Variants in TRDMT1 observed in about 807,000 individuals in gnomAD.
TRDMT1 encodes the protein tRNA aspartic acid methyltransferase 1, also known as tRNA (cytosine(38)-C(5))-methyltransferase.
A neutral mutation model predicts 51.2 loss-of-function variants in TRDMT1; 49 were observed. The ratio of observed to expected loss-of-function variants is 0.96; its 90% CI spans 0.76 to 1.21. TRDMT1 has a LOEUF of 1.21. Among genes scored for constraint, TRDMT1 ranks in the 50% most tolerant of loss-of-function variants. The pLI is 0.00. For missense variants in TRDMT1, 534 were observed against 462.3 expected, an observed-to-expected ratio of 1.16 and a Z score of -1.42; for synonymous variants, 187 against 164.6, an observed-to-expected ratio of 1.14 and a Z score of -1.04.
chr10:17,188,765 T>A (rs983469568), intron 1 of TRDMT1, among the ~76,000 whole-genome samples: 1 of 152,166 alleles, frequency 6.6e-6, no homozygotes, highest in African/African-American at 2.4e-5. Flanking sequence ...CCTTTTTGAG[T>A]TCGTGTATAA....
At chr10:17,155,979 G>A (rs1451694125) in intron 8 of TRDMT1, among the ~76,000 whole-genome samples, 1 of 152,052 alleles carries the variant, frequency 6.6e-6, no homozygotes, top group Non-Finnish European at 1.5e-5. Flanking sequence ...ATTGAACTTG[G>A]TAATTGACAA....
At chr10:17,176,752 C>T (rs1842670627) in intron 1 of TRDMT1, among the ~76,000 whole-genome samples, 1 of 152,108 alleles carries the variant, frequency 6.6e-6, no homozygotes, top group Admixed American at 6.6e-5. Flanking sequence ...AAAAAGCAAA[C>T]CTGTCAATTC....
chr10:17,201,651 C>T lies in TRDMT1; in HGVS notation c.-17G>A. 6.5e-7 allele frequency: 1 copy of T among 1,539,458 alleles called. No individual in the cohort carries two copies. The highest frequency in any genetic ancestry group is 8.7e-7 in the Non-Finnish European group (1 of 1,143,632). ...GGGCTCCATCCCCGCGCCTCAGCCG[C>T]CGCAGCCCCGGAGCTAGGCCTGCCG... On this transcript the variant is annotated 5_prime_UTR_variant, in exon 1 of 11. Coordinates refer to ENST00000377799, the MANE Select transcript of TRDMT1 (RefSeq NM_004412.7).
intron 3 of TRDMT1, 125 bp from the exon 4 acceptor site, chr10:17,162,362 A>G: frequency 1.2e-6 from 1 of 822,618 alleles, no homozygotes; most frequent in Admixed American, 2.9e-5. Flanking sequence ...CCTCACAAAA[A>G]ATAGGGTCAT....
At chr10:17,201,549 G>A (rs374260389) in intron 1 of TRDMT1, 22 bp downstream of exon 1, 440 of 1,544,982 alleles carry the variant, frequency 2.8e-4, no homozygotes, top group Non-Finnish European at 3.7e-4. Flanking sequence ...AATAGAGAGA[G>A]GGGTGCTAGA....
chr10:17,199,625 C>T (rs1845894904), intron 1 of TRDMT1, among the ~76,000 whole-genome samples: 1 of 152,162 alleles, frequency 6.6e-6, no homozygotes, highest in Non-Finnish European at 1.5e-5. Flanking sequence ...GAAGCCAGAA[C>T]TCACAAGCCT....
At chr10:17,192,482 C>A (rs921676581) in intron 1 of TRDMT1, among the ~76,000 whole-genome samples, 1 of 152,194 alleles carries the variant, frequency 6.6e-6, no homozygotes, top group African/African-American at 2.4e-5. Flanking sequence ...TCTTTCACAA[C>A]CCCAGCATCT....
At chr10:17,170,642 T>C (rs1022762195) in intron 2 of TRDMT1, among the ~76,000 whole-genome samples, 3 of 152,186 alleles carry the variant, frequency 2.0e-5, no homozygotes, top group Non-Finnish European at 4.4e-5. Context: ...ATTGAAGTTA[T>C]AGTGAAACAG....
intron 10 of TRDMT1, chr10:17,150,292 A>G: frequency 3.0e-6 from 2 of 676,190 alleles, no homozygotes; most frequent in Non-Finnish European, 3.7e-6. Flanking sequence ...AGAAATGTTG[A>G]CTCAAATCCT....
intron 10 of TRDMT1, among the ~76,000 whole-genome samples, chr10:17,149,768 A>C (rs1838451646): frequency 6.6e-6 from 1 of 152,142 alleles, no homozygotes; most frequent in Non-Finnish European, 1.5e-5. Context: ...TCTTTCACTA[A>C]ACATGTTTTA....
chr10:17,199,782 G>A (rs1021012370), intron 1 of TRDMT1, among the ~76,000 whole-genome samples: 10 of 152,210 alleles, frequency 6.6e-5, no homozygotes, highest in African/African-American at 2.4e-4. Flanking sequence ...GAGAAGCTGG[G>A]AAGCTATGTT....
intron 3 of TRDMT1, among the ~76,000 whole-genome samples, chr10:17,165,657 T>C (rs529543780): frequency 6.7e-6 from 1 of 150,148 alleles, no homozygotes; most frequent in African/African-American, 2.5e-5. Context: ...TACAATGAAC[T>C]CAAAACAAAT....
chr10:17,150,475 G>T, intron 10 of TRDMT1: 1 of 985,300 alleles, frequency 1.0e-6, no homozygotes, highest in Non-Finnish European at 1.2e-6. Context: ...AAAGGCCCAT[G>T]GATCCCTTAT....
intron 9 of TRDMT1, 99 bp from the exon 10 acceptor site, chr10:17,153,735 CTGTAA>C (rs1839106879): frequency 7.8e-7 from 1 of 1,284,130 alleles, no homozygotes; most frequent in Non-Finnish European, 1.1e-6. Flanking sequence ...ATACAGTCTG[CTGTAA>C]CACACAGTGG....
chr10:17,192,777 T>C (rs1241604410), intron 1 of TRDMT1, among the ~76,000 whole-genome samples: 4 of 152,128 alleles, frequency 2.6e-5, no homozygotes, highest in African/African-American at 9.7e-5. Flanking sequence ...TATTTGAACA[T>C]CAAGGTACAC....
At chr10:17,189,731 C>G (rs1046794564) in intron 1 of TRDMT1, among the ~76,000 whole-genome samples, 10 of 151,982 alleles carry the variant, frequency 6.6e-5, no homozygotes, top group African/African-American at 1.9e-4. Flanking sequence ...AAATCATATG[C>G]TAACATATGA....
intron 1 of TRDMT1, among the ~76,000 whole-genome samples, chr10:17,195,842 C>T (rs1459640573): frequency 6.6e-6 from 1 of 151,970 alleles, no homozygotes; most frequent in Non-Finnish European, 1.5e-5. Context: ...TTTTACGTTG[C>T]TTCACTTTAA....
chr10:17,169,816 T>C (rs1475676391), intron 2 of TRDMT1, among the ~76,000 whole-genome samples: 2 of 152,210 alleles, frequency 1.3e-5, no homozygotes, highest in African/African-American at 2.4e-5. Context: ...TTTTTGATCA[T>C]AGGATTTTAA....
intron 2 of TRDMT1, among the ~76,000 whole-genome samples, chr10:17,169,841 A>G (rs1234041193): frequency 6.6e-6 from 1 of 152,220 alleles, no homozygotes; most frequent in Non-Finnish European, 1.5e-5. Context: ...TTAAAGATAC[A>G]TCTGTGAAAA....
Sources: gnomAD v4.1 joint callset for allele counts (sites outside exome capture counted in the v4.1 genomes callset) on GRCh38, gnomAD v4.1.1 for gene constraint, MANE v1.5 for transcripts, NCBI Gene and HGNC (gene_info 2026-07-23, HGNC 2026-07-21) for gene names.